Variants in SYTL5 observed in about 807,000 individuals in gnomAD.
SYTL5 encodes the protein synaptotagmin-like protein 5.
A neutral mutation model predicts 55.9 loss-of-function variants in SYTL5; 34 were observed. That is an observed-to-expected ratio of 0.61 (90% CI 0.46 to 0.81). The LOEUF is 0.81. Ranked by LOEUF, SYTL5 falls within the 30% of genes least tolerant of loss-of-function variation. The pLI is 0.00. For synonymous variants in SYTL5, 221 were observed against 188.7 expected (o/e 1.17, Z -1.40); for missense variants, 637 against 546.7 (o/e 1.17, Z -1.65).
the SYTL5 span, among the ~76,000 whole-genome samples, chrX:37,914,792 C>CA: frequency 2.7e-5 from 3 of 112,046 alleles, no homozygotes; most frequent in East Asian, 8.3e-4. Context: ...GCTGTACTAA[C>CA]AAAGGACAGC....
intron 13 of SYTL5, among the ~76,000 whole-genome samples, chrX:38,115,467 G>T (rs1233410352): frequency 1.4e-5 from 1 of 70,217 alleles, no homozygotes; most frequent in Non-Finnish European, 2.4e-5. Context: ...CTGGGCGACA[G>T]AGCGAGACTC....
At chrX:38,017,733 T>C (rs952506109) in intron 1 of SYTL5, among the ~76,000 whole-genome samples, 1 of 107,806 alleles carries the variant, frequency 9.3e-6, no homozygotes, top group African/African-American at 3.4e-5. Context: ...CTTTGTAATT[T>C]TGAGTTGGTC....
chrX:37,976,130 C>A, the SYTL5 span, among the ~76,000 whole-genome samples: 4 of 112,347 alleles, frequency 3.6e-5, 1 homozygote, highest in African/African-American at 3.2e-5. Context: ...ATCCAAGATA[C>A]AATTTTTCTT....
chrX:38,070,341 C>T (rs1421142309), intron 3 of SYTL5, among the ~76,000 whole-genome samples: 2 of 110,817 alleles, frequency 1.8e-5, no homozygotes, highest in Non-Finnish European at 3.8e-5. Context: ...ATTTGACTCT[C>T]AGTTGCTTTT....
intron 1 of SYTL5, among the ~76,000 whole-genome samples, chrX:38,017,785 A>G (rs1264686072): frequency 9.2e-6 from 1 of 109,178 alleles, no homozygotes; most frequent in Non-Finnish European, 1.9e-5. Flanking sequence ...CTTCTAAGCT[A>G]TATGTCTACA....
chrX:38,069,292 T>C (rs1339106165), intron 3 of SYTL5, among the ~76,000 whole-genome samples: 2 of 112,517 alleles, frequency 1.8e-5, no homozygotes, highest in African/African-American at 6.5e-5. Flanking sequence ...TATTTCACAG[T>C]TTTGGAGCTC....
the SYTL5 span, among the ~76,000 whole-genome samples, chrX:37,942,190 A>G: frequency 8.9e-6 from 1 of 112,446 alleles, no homozygotes; most frequent in South Asian, 3.7e-4. Flanking sequence ...CATTTTAAAT[A>G]AAGTACATAT....
chrX:38,054,646 T>C (rs867606652), intron 3 of SYTL5, among the ~76,000 whole-genome samples: 1 of 77,966 alleles, frequency 1.3e-5, no homozygotes, highest in African/African-American at 5.0e-5. Flanking sequence ...GAGAGAGAGA[T>C]ACAGAAAGAA....
intron 6 of SYTL5, among the ~76,000 whole-genome samples, chrX:38,079,383 A>T (rs1299376290): frequency 1.8e-5 from 2 of 112,178 alleles, no homozygotes; most frequent in Non-Finnish European, 3.8e-5. Flanking sequence ...TAGATTAAAG[A>T]AGCCCTAGCA....
intron 7 of SYTL5, among the ~76,000 whole-genome samples, chrX:38,090,167 T>G: frequency 8.9e-6 from 1 of 112,293 alleles, no homozygotes. Flanking sequence ...TAAATAAATA[T>G]AAAACATTTT....
At chrX:37,927,611 T>G in the SYTL5 span, among the ~76,000 whole-genome samples, 1 of 109,233 alleles carries the variant, frequency 9.2e-6, no homozygotes, top group Non-Finnish European at 1.9e-5. Flanking sequence ...TCGTCTCTAC[T>G]GAAAATACAA....
intron 1 of SYTL5, among the ~76,000 whole-genome samples, chrX:38,009,059 T>A (rs909239470): frequency 1.8e-5 from 2 of 111,873 alleles, no homozygotes; most frequent in African/African-American, 3.2e-5. Flanking sequence ...ACATGATCAA[T>A]TCCTACTTCT....
chrX:38,016,587 G>A (rs1934361722), intron 1 of SYTL5, among the ~76,000 whole-genome samples: 1 of 111,662 alleles, frequency 9.0e-6, no homozygotes, highest in African/African-American at 3.3e-5. Context: ...AGCATGGGTG[G>A]GTGTCCACAA....
intron 2 of SYTL5, among the ~76,000 whole-genome samples, chrX:38,050,993 T>C (rs1423717293): frequency 8.9e-6 from 1 of 112,315 alleles, no homozygotes; most frequent in African/African-American, 3.2e-5. Context: ...CAATCCCAAC[T>C]TGCTTTCAGA....
chrX:37,961,075 C>T, the SYTL5 span, among the ~76,000 whole-genome samples: 270 of 110,727 alleles, frequency 2.4e-3, 1 homozygote, highest in African/African-American at 7.7e-3. Flanking sequence ...TGAGCCACCG[C>T]GCCCGGCCTC....
chrX:37,949,207 C>T, the SYTL5 span: 1 of 111,724 alleles, frequency 9.0e-6, no homozygotes, highest in Non-Finnish European at 1.9e-5. Context: ...TGGCTTGTCT[C>T]AGTCTAATTT....
At chrX:37,969,371 T>C in the SYTL5 span, among the ~76,000 whole-genome samples, 1 of 111,665 alleles carries the variant, frequency 9.0e-6, no homozygotes, top group Non-Finnish European at 1.9e-5. Context: ...AGAAGGCATC[T>C]GAGCTAGCTT....
intron 1 of SYTL5, among the ~76,000 whole-genome samples, chrX:38,024,313 C>T (rs995008989): frequency 1.8e-5 from 2 of 110,971 alleles, no homozygotes; most frequent in Non-Finnish European, 3.8e-5. Context: ...TGCACTCGCT[C>T]TTTTGCCTGC....
At chrX:38,035,586 G>A (rs182886448) in intron 2 of SYTL5, among the ~76,000 whole-genome samples, 3,644 of 96,848 alleles carry the variant, frequency 0.038, 124 homozygotes, top group African/African-American at 0.1. Flanking sequence ...GCCAGACTCC[G>A]TCTCAAAAAA....
Sources: allele counts gnomAD v4.1 joint callset (sites outside exome capture counted in the v4.1 genomes callset), GRCh38; gene constraint gnomAD v4.1.1; transcripts MANE v1.5; gene names NCBI Gene and HGNC (gene_info 2026-07-23, HGNC 2026-07-21).